The following EIF4EBP2 variants were observed in gnomAD, a reference collection of about 807,000 sequenced individuals.
EIF4EBP2 encodes eukaryotic translation initiation factor 4E binding protein 2, also known as eukaryotic translation initiation factor 4E-binding protein 2.
Under a neutral mutation model 10.3 loss-of-function variants are expected in EIF4EBP2, and 5 were observed. The ratio of observed to expected loss-of-function variants is 0.48; its 90% CI spans 0.25 to 1.02. The LOEUF (loss-of-function observed/expected upper bound fraction) is 1.02. EIF4EBP2 is among the 50% of genes least tolerant of loss of function. The pLI is 0.15. For missense variants in EIF4EBP2, 188 were observed against 162.2 expected (o/e 1.16, Z -0.86); for synonymous variants, 67 against 61.1 (o/e 1.10, Z -0.45).
intron 1 of EIF4EBP2, among the ~76,000 whole-genome samples, chr10:70,412,354 G>A (rs1407711061): frequency 7.5e-6 from 1 of 132,942 alleles, no homozygotes; most frequent in African/African-American, 2.8e-5. Context: ...TCTAATTCTG[G>A]AAGCAGACTT....
At chr10:70,417,133 G>C (rs1361227751) in intron 1 of EIF4EBP2, among the ~76,000 whole-genome samples, 2 of 152,134 alleles carry the variant, frequency 1.3e-5, no homozygotes, top group Non-Finnish European at 2.9e-5. Flanking sequence ...GATAAGGTGC[G>C]ATATATACAT....
chr10:70,409,362 A>C (rs1845018463), intron 1 of EIF4EBP2, among the ~76,000 whole-genome samples: 1 of 152,054 alleles, frequency 6.6e-6, no homozygotes, highest in Non-Finnish European at 1.5e-5. Context: ...TCTTCCATTG[A>C]GAAGCTACCT....
rs760498906 is a variant in EIF4EBP2, at chr10:70,404,390, G to C, written c.-12G>C. 1.9e-6 allele frequency: 3 copies of C among 1,553,500 alleles called. No individual in the cohort carries two copies. In the East Asian group the frequency reaches 7.7e-5, roughly 40 times the overall value. ...GCCCGCCGGACAAAGCCGAGAGCCC[G>C]CGCCCACAGCCATGTCCTCGTCAGC... On this transcript the variant is annotated 5_prime_UTR_variant, in exon 1 of 3. Transcript: ENST00000373218.
chr10:70,421,823 G>A lies in EIF4EBP2; in HGVS notation c.*76G>A, dbSNP rs540336227. 1.4e-6 allele frequency: 2 copies of A among 1,443,060 alleles called. No homozygotes were observed. The highest frequency in any genetic ancestry group is 2.3e-5 in the South Asian group (2 of 86,144). The allele number at this position is 1,443,060 out of a possible 1,614,324, so 89.4% of individuals were successfully genotyped here. A position where few individuals can be genotyped will look rare whatever the true frequency, so the allele number is the denominator to read the frequency against. On this transcript the variant is annotated 3_prime_UTR_variant, in exon 3 of 3. Transcript: ENST00000373218. ...CCTGATTTGGCCAATAGGATCAACAGTGAAAAGACAGAAGAGGCAATACCA... is the reference window on the plus strand; with the variant it reads ...CCTGATTTGGCCAATAGGATCAACAATGAAAAGACAGAAGAGGCAATACCA...
At chr10:70,413,018 C>G (rs996678798) in intron 1 of EIF4EBP2, among the ~76,000 whole-genome samples, 1 of 152,138 alleles carries the variant, frequency 6.6e-6, no homozygotes, top group African/African-American at 2.4e-5. Context: ...TTGCTGGCTA[C>G]CATTGTTGCT....
intron 1 of EIF4EBP2, among the ~76,000 whole-genome samples, chr10:70,416,592 A>AAG: frequency 6.7e-6 from 1 of 150,340 alleles, no homozygotes; most frequent in East Asian, 2.0e-4. Flanking sequence ...AAAAAAAAAA[A>AAG]AAACCAGGCA....
At chr10:70,410,870 AT>A (rs1358425152) in intron 1 of EIF4EBP2, among the ~76,000 whole-genome samples, 1 of 152,206 alleles carries the variant, frequency 6.6e-6, no homozygotes, top group African/African-American at 2.4e-5. Context: ...CCTAGTAGAA[AT>A]TGAAGTTACA....
intron 1 of EIF4EBP2, among the ~76,000 whole-genome samples, chr10:70,407,542 A>G (rs1399334696): frequency 6.6e-6 from 1 of 152,034 alleles, no homozygotes; most frequent in African/African-American, 2.4e-5. Context: ...CAACCATCCG[A>G]TTTCTCAATC....
At position 70,422,132 on chromosome 10, in the gene EIF4EBP2, A is replaced by G. The variant is rs1845164017; in HGVS notation, c.*385A>G. On this transcript the variant is annotated 3_prime_UTR_variant, in exon 3 of 3. Transcript: ENST00000373218. ...CCTACCAACAACTGCCTGGCTGGGA[A>G]GTCTGGGGAAGGGATACAGAGCTTG... 2 of 203,660 alleles carry G rather than the reference A, an allele frequency of 9.8e-6. No homozygotes were observed. Among genetic ancestry groups the G allele is most frequent in the Non-Finnish European group, 2.0e-5 (2 of 99,442 alleles). 12.6% of individuals were successfully genotyped at this position (203,660 alleles called of 1,614,324 possible). A position where few individuals can be genotyped will look rare whatever the true frequency, so the allele number is the denominator to read the frequency against.
At chr10:70,419,754 G>C (rs957459004) in intron 1 of EIF4EBP2, among the ~76,000 whole-genome samples, 160 bp from the exon 2 acceptor site, 17 of 152,152 alleles carry the variant, frequency 1.1e-4, no homozygotes, top group Admixed American at 1.3e-4. Flanking sequence ...TGGCAGAAGA[G>C]CCTGTTTACA....
In EIF4EBP2 at chr10:70,423,987, G is replaced by A. The variant is rs1012117734; in HGVS notation, c.*2240G>A. ...ATGCTCAGGACCTCTTTGTACCCCG[G>A]GGAGCCTGATTCTTTGGGAATGAAG... is the stretch of plus-strand genomic sequence containing the variant. On this transcript the variant is annotated 3_prime_UTR_variant, in exon 3 of 3. Transcript: ENST00000373218. 1 of 152,128 alleles carries A rather than the reference G, an allele frequency of 6.6e-6. No individual in the cohort carries two copies. The highest frequency in any genetic ancestry group is 2.4e-5 in the African/African-American group (1 of 41,412). The allele number at this position is 152,128 out of a possible 1,614,324, so 9.4% of individuals were successfully genotyped here.
At chr10:70,404,697 C>G (rs1844950353) in intron 1 of EIF4EBP2, 151 bp downstream of exon 1, 5 of 1,075,500 alleles carry the variant, frequency 4.6e-6, no homozygotes, top group South Asian at 1.9e-5. Flanking sequence ...CGTTCGGGAC[C>G]CTTTACTTCG....
At chr10:70,412,100 G>C (rs1401386472) in intron 1 of EIF4EBP2, among the ~76,000 whole-genome samples, 2 of 152,080 alleles carry the variant, frequency 1.3e-5, no homozygotes, top group Non-Finnish European at 2.9e-5. Context: ...TGGTCTGGTG[G>C]GCATCTGAAC....
rs1399740450 is a variant in EIF4EBP2, at chr10:70,423,741, T to C, written c.*1994T>C. 6.6e-6 allele frequency: 1 copy of C among 152,654 alleles called. No individual in the cohort carries two copies. Among genetic ancestry groups the C allele is most frequent in the East Asian group, 1.9e-4 (1 of 5,204 alleles). 9.5% of individuals were successfully genotyped at this position (152,654 alleles called of 1,614,324 possible). ...CTGTTTTCTGCCACAAAAATGTGAA[T>C]AGTTCAGAGTGAAAACCTTTTGTGA... On this transcript the variant is annotated 3_prime_UTR_variant, in exon 3 of 3. Transcript: ENST00000373218.
At position 70,404,348 on chromosome 10, in the gene EIF4EBP2, C is replaced by T; in HGVS notation, c.-54C>T. ...GCCTGAGGAGCCGAAGCAGCCCCGG[C>T]CCCGCCGCCGCCGCCTGCCCGCCGG... On this transcript the variant is annotated 5_prime_UTR_variant, in exon 1 of 3. Coordinates refer to ENST00000373218, the MANE Select transcript of EIF4EBP2 (RefSeq NM_004096.5). 1 of 1,485,964 alleles carries T rather than the reference C, an allele frequency of 6.7e-7. No homozygotes were observed. The highest frequency in any genetic ancestry group is 2.9e-5 in the East Asian group (1 of 34,462). The allele number at this position is 1,485,964 out of a possible 1,614,324, so 92.0% of individuals were successfully genotyped here. A position where few individuals can be genotyped will look rare whatever the true frequency, so the allele number is the denominator to read the frequency against.
At chr10:70,416,040 A>C (rs1340010201) in intron 1 of EIF4EBP2, among the ~76,000 whole-genome samples, 1 of 152,242 alleles carries the variant, frequency 6.6e-6, no homozygotes, top group Non-Finnish European at 1.5e-5. Flanking sequence ...TAATAAAGAC[A>C]AATCATTGAA....
intron 1 of EIF4EBP2, among the ~76,000 whole-genome samples, chr10:70,409,592 G>C (rs541910957): frequency 6.6e-6 from 1 of 152,238 alleles, no homozygotes; most frequent in South Asian, 2.1e-4. Context: ...GTTTTGAGAT[G>C]CTTATCTTAC....
At chr10:70,420,149 AAT>A in intron 2 of EIF4EBP2, 50 bp downstream of exon 2, 2 of 1,506,674 alleles carry the variant, frequency 1.3e-6, no homozygotes, top group African/African-American at 2.8e-5. Flanking sequence ...TTGGAATTTG[AAT>A]GTCTGTTTGC....
chr10:70,407,448 C>T (rs1207932691), intron 1 of EIF4EBP2, among the ~76,000 whole-genome samples: 2 of 152,118 alleles, frequency 1.3e-5, no homozygotes, highest in African/African-American at 2.4e-5. Flanking sequence ...CACAGATCAA[C>T]AGGATCCCAA....
Sources: allele counts gnomAD v4.1 joint callset (sites outside exome capture counted in the v4.1 genomes callset), GRCh38; gene constraint gnomAD v4.1.1; transcripts MANE v1.5; gene names NCBI Gene and HGNC (gene_info 2026-07-23, HGNC 2026-07-21).